FANK1: variants seen among roughly 807,000 people sequenced by gnomAD.
FANK1 encodes fibronectin type 3 and ankyrin repeat domains protein 1.
Under a neutral mutation model 45.3 loss-of-function variants are expected in FANK1, and 44 were observed. That is an observed-to-expected ratio of 0.97 (90% CI 0.76 to 1.25). The LOEUF (loss-of-function observed/expected upper bound fraction) is 1.25, where lower values mean the gene tolerates loss of function less well. FANK1 is among the 50% of genes most tolerant of loss of function. The pLI is 0.00. For missense variants in FANK1, 391 were observed against 424.4 expected (o/e 0.92, Z 0.69); for synonymous variants, 149 against 152.5 (o/e 0.98, Z 0.17).
intron 1 of FANK1, among the ~76,000 whole-genome samples, chr10:125,926,316 G>GTT (rs539590257): frequency 0.01 from 1,512 of 150,624 alleles, no homozygotes; most frequent in African/African-American, 0.035. Context: ...TGCACTTTTA[G>GTT]TTTTTTTTGT....
At chr10:125,914,295 A>ATATATATATAT (rs1946274486) in intron 1 of FANK1, among the ~76,000 whole-genome samples, 3 of 150,962 alleles carry the variant, frequency 2.0e-5, no homozygotes, top group East Asian at 1.9e-4. Flanking sequence ...ATATATATTT[A>ATATATATATAT]AAAAGTCTCA....
chr10:125,951,289 TG>T (rs1270001801), intron 1 of FANK1, among the ~76,000 whole-genome samples: 1 of 151,964 alleles, frequency 6.6e-6, no homozygotes, highest in Non-Finnish European at 1.5e-5. Flanking sequence ...TGGAATAGAC[TG>T]GCCAAGATCT....
chr10:125,983,325 T>C lies in FANK1; in HGVS notation c.191+2987T>C, dbSNP rs1265875297. Among the ~76,000 whole-genome samples the C allele has an allele frequency of 6.6e-6, 1 of 152,212 alleles. No individual in the cohort carries two copies. Among genetic ancestry groups the C allele is most frequent in the East Asian group, 1.9e-4 (1 of 5,206 alleles). ...CTGCCCATGCCACGCATTCCATTTA[T>C]TCCATCAGCGTGTATTATTGAGTGT... On this transcript the variant is annotated intron_variant, in intron 2 of 10. Coordinates refer to ENST00000368693, the MANE Select transcript of FANK1 (RefSeq NM_145235.5). The surrounding 1 kb of genome is among the most constrained non-coding windows in gnomAD (Gnocchi z 4.3).
At chr10:125,966,213 C>T (rs552425394) in intron 1 of FANK1, among the ~76,000 whole-genome samples, 6 of 152,182 alleles carry the variant, frequency 3.9e-5, no homozygotes, top group Non-Finnish European at 5.9e-5. Flanking sequence ...TTTGCACTTA[C>T]GTTACTTACT....
Position 125,913,753 on chromosome 10 carries a change from T to C in FANK1, c.13+17098T>C, listed in dbSNP as rs1055217789. 3.9e-5 allele frequency among the ~76,000 whole-genome samples: 6 copies of C among 152,200 alleles called. 1 individual carries two copies. Among genetic ancestry groups the C allele is most frequent in the Admixed American group, 3.9e-4 (6 of 15,278 alleles). Reference sequence around the variant, plus strand: ...GTTGTAGCAGCCCTGAGCCTCCTGCTTCACCTGTATCAGGGGAGGCTGAGA... The same window carrying C: ...GTTGTAGCAGCCCTGAGCCTCCTGCCTCACCTGTATCAGGGGAGGCTGAGA... On this transcript the variant is annotated intron_variant, in intron 1 of 10. Transcript: ENST00000368693.
rs538195026 is a variant in FANK1 at position 125,896,947 on chromosome 10, C to T, written c.13+292C>T. On this transcript the variant is annotated intron_variant, in intron 1 of 10. Transcript: ENST00000368693. ...AGGGCGCAGCGACCCCAGCGTGCGT[C>T]TTCCTGAAACTTCGCCCGGACGGTT... Among the ~76,000 whole-genome samples, 26 of 152,292 alleles carry T rather than the reference C, an allele frequency of 1.7e-4. No homozygotes were observed. The South Asian group carries it at 5.4e-3, about 32-fold the overall frequency.
chr10:125,924,600 A>G (rs1210856731), intron 1 of FANK1, among the ~76,000 whole-genome samples: 1 of 152,258 alleles, frequency 6.6e-6, no homozygotes, highest in Non-Finnish European at 1.5e-5. Flanking sequence ...ATTTAAGACT[A>G]TAAATTTCCC....
intron 2 of FANK1, among the ~76,000 whole-genome samples, chr10:125,982,293 A>G (rs1951271867): frequency 6.6e-6 from 1 of 152,194 alleles, no homozygotes; most frequent in South Asian, 2.1e-4. Flanking sequence ...GAGAAACCAT[A>G]GCTGCGTGTG....
At chr10:125,977,125 T>A (rs1291080949) in intron 1 of FANK1, among the ~76,000 whole-genome samples, 1 of 152,176 alleles carries the variant, frequency 6.6e-6, no homozygotes, top group Non-Finnish European at 1.5e-5. Context: ...GGTTACAAAC[T>A]CTTATTGGAG....
At chr10:125,926,562 A>C (rs1947355697) in intron 1 of FANK1, among the ~76,000 whole-genome samples, 1 of 152,300 alleles carries the variant, frequency 6.6e-6, no homozygotes, top group African/African-American at 2.4e-5. Context: ...TGATATTTTG[A>C]GATTGAGTTT....
intron 1 of FANK1, among the ~76,000 whole-genome samples, chr10:125,950,458 A>G (rs1451799758): frequency 4.0e-5 from 6 of 151,806 alleles, no homozygotes; most frequent in African/African-American, 1.5e-4. Flanking sequence ...TGGGCGAAGG[A>G]CATGAACAGA....
intron 7 of FANK1, among the ~76,000 whole-genome samples, chr10:126,006,182 T>C (rs570959071): frequency 6.4e-4 from 97 of 152,304 alleles, no homozygotes; most frequent in African/African-American, 2.3e-3. Flanking sequence ...TCAACTCAAA[T>C]TGAGAAAAGT....
At chr10:125,897,580 G>A in intron 1 of FANK1, among the ~76,000 whole-genome samples, 1 of 152,290 alleles carries the variant, frequency 6.6e-6, no homozygotes, top group Non-Finnish European at 1.5e-5. Context: ...GGAAAATGTT[G>A]GCATTTTTAA....
chr10:125,899,398 C>T (rs74606812), intron 1 of FANK1, among the ~76,000 whole-genome samples: 1 of 140,020 alleles, frequency 7.1e-6, no homozygotes, highest in Non-Finnish European at 1.6e-5. Context: ...TTGAATAGAG[C>T]TAAAGTCTGA....
chr10:125,979,571 T>C (rs1426700636), intron 1 of FANK1, among the ~76,000 whole-genome samples: 1 of 152,246 alleles, frequency 6.6e-6, no homozygotes, highest in Non-Finnish European at 1.5e-5. Flanking sequence ...GATATAAAGT[T>C]ATACCCCATT....
intron 1 of FANK1, among the ~76,000 whole-genome samples, chr10:125,937,076 A>T (rs895730296): frequency 2.0e-5 from 3 of 152,300 alleles, no homozygotes; most frequent in East Asian, 1.9e-4. Context: ...TCTCAAAAAA[A>T]AAAATAAAAT....
At chr10:125,945,281 C>T (rs1948706185) in intron 1 of FANK1, among the ~76,000 whole-genome samples, 3 of 152,198 alleles carry the variant, frequency 2.0e-5, no homozygotes, top group Admixed American at 2.0e-4. Context: ...CTCCGGTCTA[C>T]AGCTCCCAGT....
chr10:125,942,688 C>T (rs1372778994), intron 1 of FANK1, among the ~76,000 whole-genome samples: 3 of 152,004 alleles, frequency 2.0e-5, no homozygotes, highest in African/African-American at 2.4e-5. Flanking sequence ...CTGCTTGATA[C>T]ACCTGTTATA....
chr10:125,912,297 T>A (rs1946078865), intron 1 of FANK1, among the ~76,000 whole-genome samples: 1 of 152,176 alleles, frequency 6.6e-6, no homozygotes, highest in African/African-American at 2.4e-5. Context: ...AAACTGTAAC[T>A]CAAGTGCTTT....
Sources: allele counts gnomAD v4.1 joint callset (sites outside exome capture counted in the v4.1 genomes callset), GRCh38; gene constraint gnomAD v4.1.1; non-coding constraint Gnocchi (gnomAD v3.1); transcripts MANE v1.5; gene names NCBI Gene and HGNC (gene_info 2026-07-23, HGNC 2026-07-21).